The following GATB variants were observed in gnomAD, a reference collection of about 807,000 sequenced individuals.
GATB encodes the protein glutamyl-tRNA amidotransferase subunit B, also known as glutamyl-tRNA(Gln) amidotransferase subunit B, mitochondrial.
GATB carries 39 observed loss-of-function variants against 62.3 expected under a neutral mutation model. That is an observed-to-expected ratio of 0.63 (90% CI 0.48 to 0.82). GATB has a LOEUF of 0.82. Ranked by LOEUF, GATB falls within the 40% of genes least tolerant of loss-of-function variation. The pLI is 0.00. For missense variants in GATB, 670 were observed against 684.0 expected, an observed-to-expected ratio of 0.98 and a Z score of 0.23; for synonymous variants, 276 against 258.9, an observed-to-expected ratio of 1.07 and a Z score of -0.63.
intron 3 of GATB, among the ~76,000 whole-genome samples, chr4:151,718,638 C>A (rs1009110668): frequency 6.6e-6 from 1 of 152,168 alleles, no homozygotes; most frequent in Non-Finnish European, 1.5e-5. Context: ...TACTCGTGCC[C>A]TCACCCACTA....
At chr4:151,704,971 C>T (rs950811425) in intron 7 of GATB, among the ~76,000 whole-genome samples, 1 of 152,006 alleles carries the variant, frequency 6.6e-6, no homozygotes, top group Non-Finnish European at 1.5e-5. Flanking sequence ...AGGATGGTCT[C>T]GATCTCCCGA....
intron 9 of GATB, among the ~76,000 whole-genome samples, chr4:151,699,694 A>G (rs959157973): frequency 6.6e-6 from 1 of 152,202 alleles, no homozygotes; most frequent in Non-Finnish European, 1.5e-5. Flanking sequence ...GGGGGCACAG[A>G]TTCTCATACA....
Position 151,717,061 on chromosome 4 carries a change from A to C in GATB, c.455T>G (p.Ile152Ser), listed in dbSNP as rs1738928710. The C allele has an allele frequency of 6.2e-7, 1 of 1,614,104 alleles. No homozygotes were observed. The highest frequency in any genetic ancestry group is 8.5e-7 in the Non-Finnish European group (1 of 1,180,006). ...AGCAATTGGGAGCCTCTGCTGGGTAATTTGGTAGCCTGCCTGCACACAAAC... is the reference window on the plus strand; with the variant it reads ...AGCAATTGGGAGCCTCTGCTGGGTACTTTGGTAGCCTGCCTGCACACAAAC... ...FYADLPAGYQ[I>S]TQQRLPIAVN... Residue 152 changes from isoleucine (I) to serine (S), a missense_variant, in exon 4 of 13, where the codon ATT (isoleucine) becomes AGT (serine). By Grantham distance (142) the Ile-to-Ser change is moderately radical. Coordinates refer to ENST00000263985, the MANE Select transcript of GATB (RefSeq NM_004564.3).
In GATB at chr4:151,671,037, AATGCC is replaced by A. The variant is rs1408591255; in HGVS notation, c.*132_*136del. The A allele has an allele frequency of 7.9e-6, 8 of 1,006,702 alleles. No individual in the cohort carries two copies. In the Admixed American group the frequency reaches 1.0e-4, roughly 13 times the overall value. The allele number at this position is 1,006,702 out of a possible 1,614,324, so 62.4% of individuals were successfully genotyped here. On this transcript the variant is annotated 3_prime_UTR_variant, in exon 13 of 13. Transcript: ENST00000263985. ...AGAGGGTGAGAACACTGGTGACATT[AATGCC>A]ATAGCTGTGGCTTGGGACAGGGATT...
At chr4:151,678,357 T>C (rs1414963502) in intron 11 of GATB, among the ~76,000 whole-genome samples, 1 of 152,188 alleles carries the variant, frequency 6.6e-6, no homozygotes, top group African/African-American at 2.4e-5. Flanking sequence ...TTTGTTCTGT[T>C]GTGTTGTGGG....
At chr4:151,688,864 G>C (rs1472459818) in intron 9 of GATB, 101 bp from the exon 10 acceptor site, 5 of 1,155,396 alleles carry the variant, frequency 4.3e-6, no homozygotes. Flanking sequence ...CCTCCTCTGA[G>C]ACAGCCACTT....
At chr4:151,704,902 C>A (rs1323625011) in intron 7 of GATB, among the ~76,000 whole-genome samples, 15 of 151,702 alleles carry the variant, frequency 9.9e-5, no homozygotes, top group African/African-American at 3.4e-4. Flanking sequence ...GCACCCATCA[C>A]CATGCCCGGC....
chr4:151,675,586 C>T (rs1157026281), intron 11 of GATB: 3 of 152,202 alleles, frequency 2.0e-5, no homozygotes, highest in African/African-American at 7.2e-5. Context: ...GCTGCCGAGC[C>T]CTGTGCTGCA....
At chr4:151,704,742 G>C (rs56199243) in intron 7 of GATB, among the ~76,000 whole-genome samples, 22,115 of 147,022 alleles carry the variant, frequency 0.15, 1,970 homozygotes, top group African/African-American at 0.26. Context: ...CGTGAGCCAC[G>C]GCGCCTGGCC....
intron 11 of GATB, chr4:151,675,388 T>C (rs3749562): frequency 0.6 from 91,736 of 152,476 alleles, 30,150 homozygotes; most frequent in African/African-American, 0.89. Context: ...CAGTCCCCAG[T>C]CCCCTAGGCT....
At chr4:151,686,663 A>ACCCCCCG (rs1738256243) in intron 10 of GATB, among the ~76,000 whole-genome samples, 1 of 68,488 alleles carries the variant, frequency 1.5e-5, no homozygotes, top group African/African-American at 5.6e-5. Context: ...CCCCCCCCCC[A>ACCCCCCG]CCCCCCAGTT....
In GATB at chr4:151,705,943, T is replaced by C. The variant is rs145937185; in HGVS notation, c.878-674A>G. ...GCCTTGGCCTCCCAAAGTGCTGGGA[T>C]TACAGGCATGAGCCACTAAGCCCAG... On this transcript the variant is annotated intron_variant, in intron 6 of 12. Coordinates refer to ENST00000263985, the MANE Select transcript of GATB (RefSeq NM_004564.3). Among the ~76,000 whole-genome samples the C allele has an allele frequency of 4.0e-4, 61 of 152,256 alleles. No individual in the cohort carries two copies. The East Asian group carries it at 8.5e-3, about 21-fold the overall frequency.
intron 11 of GATB, chr4:151,674,301 A>C (rs1458256085): frequency 6.6e-6 from 1 of 152,218 alleles, no homozygotes; most frequent in Non-Finnish European, 1.5e-5. Flanking sequence ...CACTCTCAAC[A>C]TGCTTATCAG....
chr4:151,736,794 G>A lies in GATB; in HGVS notation c.328-17256C>T, dbSNP rs149442297. On this transcript the variant is annotated intron_variant, in intron 2 of 12. Coordinates refer to ENST00000263985, the MANE Select transcript of GATB (RefSeq NM_004564.3). ...GGCAGGTCTTTCCGGTGCTGTTCTC[G>A]TGATAGAGAATAAGTCTCACGAGAT... is the stretch of plus-strand genomic sequence containing the variant. 5.9e-3 allele frequency among the ~76,000 whole-genome samples: 906 copies of A among 152,294 alleles called. 4 individuals carry two copies. The highest frequency in any genetic ancestry group is 9.9e-3 in the Non-Finnish European group (674 of 68,022).
intron 2 of GATB, among the ~76,000 whole-genome samples, chr4:151,732,127 G>A (rs546813372): frequency 3.5e-5 from 5 of 144,292 alleles, no homozygotes; most frequent in African/African-American, 1.0e-4. Flanking sequence ...CCCGGCCACC[G>A]CCCCGTCCAG....
At chr4:151,715,954 T>G in intron 5 of GATB, 55 bp downstream of exon 5, 1 of 1,584,372 alleles carries the variant, frequency 6.3e-7, no homozygotes, top group Non-Finnish European at 8.6e-7. Flanking sequence ...GTCAGAGAGG[T>G]TCTAGAAGGC....
At position 151,670,949 on chromosome 4, in the gene GATB, T is replaced by TGTG; in HGVS notation, c.*222_*224dup. 3.7e-6 allele frequency: 2 copies of TGTG among 536,908 alleles called. No individual in the cohort carries two copies. The highest frequency in any genetic ancestry group is 5.9e-5 in the East Asian group (2 of 34,122). 33.3% of individuals were successfully genotyped at this position (536,908 alleles called of 1,614,324 possible). A position where few individuals can be genotyped will look rare whatever the true frequency, so the allele number is the denominator to read the frequency against. ...CTGCAGCCTCACCGGACCCTCCTGA[T>TGTG]GTGGATGAAGCAGGCGGGGTGGCTG... On this transcript the variant is annotated 3_prime_UTR_variant, in exon 13 of 13. Transcript: ENST00000263985.
At chr4:151,723,091 G>A (rs1739061784) in intron 2 of GATB, 1 of 152,174 alleles carries the variant, frequency 6.6e-6, no homozygotes, top group Admixed American at 6.5e-5. Flanking sequence ...AGCAGCTCTC[G>A]TTTGGAAAGA....
chr4:151,741,669 G>C (rs1232820883), intron 2 of GATB, among the ~76,000 whole-genome samples: 1 of 152,188 alleles, frequency 6.6e-6, no homozygotes, highest in Non-Finnish European at 1.5e-5. Flanking sequence ...CCCAGGGGGA[G>C]GCCAGACGAG....
Sources: allele counts gnomAD v4.1 joint callset (sites outside exome capture counted in the v4.1 genomes callset), GRCh38; gene constraint gnomAD v4.1.1; transcripts MANE v1.5; gene names NCBI Gene and HGNC (gene_info 2026-07-23, HGNC 2026-07-21).